Variants in ZNF431 observed in about 807,000 individuals in gnomAD.
The protein encoded by ZNF431 is zinc finger protein 431.
Under a neutral mutation model 57.0 loss-of-function variants are expected in ZNF431, and 34 were observed. The ratio of observed to expected loss-of-function variants is 0.60; its 90% CI spans 0.45 to 0.79. ZNF431 has a LOEUF of 0.79. Among genes scored for constraint, ZNF431 ranks in the 30% least tolerant of loss-of-function variants. ZNF431 has a pLI of 0.00. For missense variants in ZNF431, 607 were observed against 667.1 expected (o/e 0.91, Z 0.99); for synonymous variants, 207 against 220.3 (o/e 0.94, Z 0.54).
chr19:21,167,832 C>T (rs920245123), intron 4 of ZNF431, among the ~76,000 whole-genome samples, 166 bp downstream of exon 4: 2 of 152,080 alleles, frequency 1.3e-5, no homozygotes, highest in Non-Finnish European at 2.9e-5. Flanking sequence ...ATAGGGACAT[C>T]TTCTGTCTTA....
intron 2 of ZNF431, among the ~76,000 whole-genome samples, chr19:21,145,443 C>T (rs1051967446): frequency 2.0e-5 from 3 of 152,196 alleles, no homozygotes; most frequent in African/African-American, 4.8e-5. Context: ...CGCCACTGCA[C>T]TCCAGCCTGG....
chr19:21,148,487 A>T (rs1229436231), intron 2 of ZNF431, among the ~76,000 whole-genome samples: 2 of 152,222 alleles, frequency 1.3e-5, no homozygotes, highest in Non-Finnish European at 2.9e-5. Context: ...TTTAGTCAGT[A>T]TGTTGACACA....
chr19:21,155,851 TA>T (rs1213159156), intron 2 of ZNF431, among the ~76,000 whole-genome samples: 4 of 152,146 alleles, frequency 2.6e-5, no homozygotes, highest in Non-Finnish European at 5.9e-5. Flanking sequence ...TGTCCTGGTA[TA>T]AAATGAGTGT....
At chr19:21,149,106 T>C (rs948208735) in intron 2 of ZNF431, among the ~76,000 whole-genome samples, 6 of 152,236 alleles carry the variant, frequency 3.9e-5, no homozygotes, top group African/African-American at 1.2e-4. Context: ...GTCATTTTAC[T>C]TTAGGATAAG....
rs555508173 is a variant in ZNF431 at position 21,184,767 on chromosome 19, T to A, written c.*733T>A. 1 of 152,828 alleles carries A rather than the reference T, an allele frequency of 6.5e-6. No individual in the cohort carries two copies. Among genetic ancestry groups the A allele is most frequent in the South Asian group, 2.1e-4 (1 of 4,832 alleles). 9.5% of individuals were successfully genotyped at this position (152,828 alleles called of 1,614,324 possible). A position where few individuals can be genotyped will look rare whatever the true frequency, so the allele number is the denominator to read the frequency against. On this transcript the variant is annotated 3_prime_UTR_variant, in exon 5 of 5. Transcript: ENST00000311048. ...CTCACATTTTACTCAACACAGAGAG[T>A]TCCTGCTTAATAAAAGCATTATAAG...
At chr19:21,174,625 A>G (rs1286884987) in intron 4 of ZNF431, among the ~76,000 whole-genome samples, 2 of 152,100 alleles carry the variant, frequency 1.3e-5, no homozygotes, top group African/African-American at 2.4e-5. Flanking sequence ...AGATTTTTTC[A>G]GTTCTGTTAC....
At chr19:21,160,053 C>A (rs866133894) in intron 2 of ZNF431, among the ~76,000 whole-genome samples, 38 of 148,054 alleles carry the variant, frequency 2.6e-4, no homozygotes, top group Middle Eastern at 6.9e-3. Flanking sequence ...GGAGATTTTT[C>A]CTTTGATTGT....
At chr19:21,160,841 A>G (rs777761015) in intron 2 of ZNF431, among the ~76,000 whole-genome samples, 16 of 152,172 alleles carry the variant, frequency 1.1e-4, no homozygotes, top group Non-Finnish European at 1.9e-4. Context: ...TTGTGACTCA[A>G]ATAAACTAAT....
chr19:21,152,005 C>A (rs2144942695), intron 2 of ZNF431, among the ~76,000 whole-genome samples: 1 of 152,310 alleles, frequency 6.6e-6, no homozygotes, highest in African/African-American at 2.4e-5. Context: ...GGCTGCACCA[C>A]AGCCCCGTGG....
At chr19:21,167,938 C>G (rs1332424299) in intron 4 of ZNF431, among the ~76,000 whole-genome samples, 1 of 152,156 alleles carries the variant, frequency 6.6e-6, no homozygotes, top group African/African-American at 2.4e-5. Flanking sequence ...ATATAAAAGA[C>G]TGTCATGGCA....
intron 4 of ZNF431, among the ~76,000 whole-genome samples, chr19:21,173,036 T>G (rs1599607779): frequency 6.6e-6 from 1 of 152,238 alleles, no homozygotes; most frequent in Non-Finnish European, 1.5e-5. Flanking sequence ...GTTTCTGGCT[T>G]ATTTCAAGTG....
chr19:21,161,695 G>T (rs1377791359), intron 2 of ZNF431, among the ~76,000 whole-genome samples: 3 of 152,000 alleles, frequency 2.0e-5, no homozygotes, highest in East Asian at 3.9e-4. Flanking sequence ...CTCTTGTTGC[G>T]CAGGCTGGAG....
intron 4 of ZNF431, among the ~76,000 whole-genome samples, chr19:21,181,357 T>C (rs1971206254): frequency 6.6e-6 from 1 of 152,148 alleles, no homozygotes; most frequent in Non-Finnish European, 1.5e-5. Flanking sequence ...GATATGCTGA[T>C]GGTATTATTC....
Position 21,182,962 on chromosome 19 carries a change from G to A in ZNF431, c.659G>A (p.Ser220Asn), listed in dbSNP as rs767336504. 5.6e-6 allele frequency: 9 copies of A among 1,613,928 alleles called. No homozygotes were observed. Among genetic ancestry groups the A allele is most frequent in the Middle Eastern group, 3.3e-4 (2 of 6,084 alleles). The part of the protein sequence containing the change: ...GKSFCMLLHL[S>N]QHKRIHIREN... ...TCATTTTGCATGCTTTTACACCTAA[G>A]TCAACATAAAAGAATTCATATTAGA... The change falls in exon 5 of 5, where the codon AGT becomes AAT. Residue 220 changes from serine (S) to asparagine (N), a missense_variant. Coordinates refer to ENST00000311048, the MANE Select transcript of ZNF431 (RefSeq NM_133473.4).
At chr19:21,161,911 C>T (rs1360688432) in intron 2 of ZNF431, among the ~76,000 whole-genome samples, 3 of 152,130 alleles carry the variant, frequency 2.0e-5, no homozygotes, top group Non-Finnish European at 4.4e-5. Flanking sequence ...ACCTAGGCCT[C>T]CCAAAGTGTT....
chr19:21,190,418 G>C lies in ZNF431; in HGVS notation c.*6384G>C, dbSNP rs1971484739. On this transcript the variant is annotated 3_prime_UTR_variant, in exon 5 of 5. Coordinates refer to ENST00000311048, the MANE Select transcript of ZNF431 (RefSeq NM_133473.4). Reference sequence around the variant, plus strand: ...TTGATAAATCTGTATTTTGTTTTTCGTAATGGCTATCCTCATTTACGTTCA... The same window carrying C: ...TTGATAAATCTGTATTTTGTTTTTCCTAATGGCTATCCTCATTTACGTTCA... 6.6e-6 allele frequency: 1 copy of C among 152,106 alleles called. No homozygotes were observed. The highest frequency in any genetic ancestry group is 2.1e-4 in the South Asian group (1 of 4,814). The allele number at this position is 152,106 out of a possible 1,614,324, so 9.4% of individuals were successfully genotyped here. A position where few individuals can be genotyped will look rare whatever the true frequency, so the allele number is the denominator to read the frequency against.
In ZNF431 at chr19:21,186,436, A is replaced by G. The variant is rs1971376771; in HGVS notation, c.*2402A>G. ...AATCTTAGGTGTAAGAAAATTATGG[A>G]GTTAAGTATGTGTGTGTGAGTATGA... On this transcript the variant is annotated 3_prime_UTR_variant, in exon 5 of 5. Coordinates refer to ENST00000311048, the MANE Select transcript of ZNF431 (RefSeq NM_133473.4). 1 of 152,216 alleles carries G rather than the reference A, an allele frequency of 6.6e-6. No individual in the cohort carries two copies. Among genetic ancestry groups the G allele is most frequent in the South Asian group, 2.1e-4 (1 of 4,834 alleles). 9.4% of individuals were successfully genotyped at this position (152,216 alleles called of 1,614,324 possible). A position where few individuals can be genotyped will look rare whatever the true frequency, so the allele number is the denominator to read the frequency against.
chr19:21,181,243 A>G (rs940226012), intron 4 of ZNF431, among the ~76,000 whole-genome samples: 3 of 152,156 alleles, frequency 2.0e-5, no homozygotes, highest in African/African-American at 7.2e-5. Context: ...AGTAGCAGCA[A>G]CGGTTTTCAG....
intron 3 of ZNF431, 141 bp downstream of exon 3, chr19:21,166,602 C>T (rs1194921652): frequency 5.7e-6 from 6 of 1,052,690 alleles, no homozygotes; most frequent in South Asian, 5.4e-5. Flanking sequence ...ATGATTTGTC[C>T]GTGTGGAAAA....
Sources: gnomAD v4.1 joint callset for allele counts (sites outside exome capture counted in the v4.1 genomes callset) on GRCh38, gnomAD v4.1.1 for gene constraint, MANE v1.5 for transcripts, NCBI Gene and HGNC (gene_info 2026-07-23, HGNC 2026-07-21) for gene names.